Variants in PTPRK observed in about 807,000 individuals in gnomAD.
The protein encoded by PTPRK is receptor-type tyrosine-protein phosphatase kappa.
In PTPRK, 75 loss-of-function variants were observed where a neutral mutation model predicts 178.0. That is an observed-to-expected ratio of 0.42 (90% CI 0.35 to 0.51). PTPRK has a LOEUF of 0.51. PTPRK is among the 20% of genes least tolerant of loss of function. The pLI is 0.02. For synonymous variants in PTPRK, 637 were observed against 620.6 expected (o/e 1.03, Z -0.39); for missense variants, 1,441 against 1,797.8 (o/e 0.80, Z 3.59).
intron 2 of PTPRK, among the ~76,000 whole-genome samples, chr6:128,333,180 A>C (rs1288739247): frequency 6.6e-6 from 1 of 152,210 alleles, no homozygotes; most frequent in South Asian, 2.1e-4. Context: ...AAGAGAAGGT[A>C]GTGTGGCCTG....
At chr6:128,311,743 T>G (rs1423010520) in intron 3 of PTPRK, among the ~76,000 whole-genome samples, 1 of 152,090 alleles carries the variant, frequency 6.6e-6, no homozygotes, top group Admixed American at 6.6e-5. Flanking sequence ...CAAGCGATCC[T>G]CCTGCCTCAG....
intron 6 of PTPRK, among the ~76,000 whole-genome samples, chr6:128,196,308 T>C (rs147057035): frequency 0.029 from 4,367 of 152,158 alleles, 147 homozygotes; most frequent in African/African-American, 0.08. Context: ...ATAATCAAAG[T>C]GCTATCAAAA....
intron 6 of PTPRK, among the ~76,000 whole-genome samples, chr6:128,194,188 C>A (rs955585012): frequency 6.6e-5 from 10 of 151,300 alleles, no homozygotes; most frequent in African/African-American, 2.4e-4. Flanking sequence ...TGGGTTCATG[C>A]CATTCTCCTG....
At chr6:128,188,118 G>T (rs1803093226) in intron 6 of PTPRK, among the ~76,000 whole-genome samples, 2 of 152,098 alleles carry the variant, frequency 1.3e-5, no homozygotes, top group Non-Finnish European at 2.9e-5. Flanking sequence ...AATGAAGCAT[G>T]CAATCCCCAA....
chr6:127,973,014 T>G lies in PTPRK; in HGVS notation c.4269+8A>C. The G allele has an allele frequency of 6.2e-7, 1 of 1,613,794 alleles. No homozygotes were observed. Among genetic ancestry groups the G allele is most frequent in the Non-Finnish European group, 8.5e-7 (1 of 1,179,704 alleles). ...GATGCCTTCCAAATCTAAGATTCTG[T>G]GACTCACCGGGGCTTCCACCATGTT... On this transcript the variant is annotated splice_region_variant and intron_variant, in intron 29 of 29. Coordinates refer to ENST00000368226, the MANE Select transcript of PTPRK (RefSeq NM_002844.4).
At chr6:128,212,882 CTT>C (rs1355379402) in intron 6 of PTPRK, among the ~76,000 whole-genome samples, 3 of 151,956 alleles carry the variant, frequency 2.0e-5, no homozygotes, top group African/African-American at 2.4e-5. Flanking sequence ...AACTGCTGCA[CTT>C]TACTATCCTT....
intron 14 of PTPRK, among the ~76,000 whole-genome samples, chr6:128,007,496 A>G (rs1778573496): frequency 6.6e-6 from 1 of 150,908 alleles, no homozygotes; most frequent in Admixed American, 6.6e-5. Flanking sequence ...CCAGAAAATC[A>G]AGTTGTCATA....
intron 3 of PTPRK, among the ~76,000 whole-genome samples, chr6:128,264,429 T>C (rs1013732475): frequency 6.6e-6 from 1 of 152,178 alleles, no homozygotes; most frequent in Admixed American, 6.6e-5. Context: ...TAAGTCGTCA[T>C]CATTAAGAAT....
intron 2 of PTPRK, among the ~76,000 whole-genome samples, chr6:128,360,110 A>T (rs1448927287): frequency 2.0e-5 from 3 of 152,228 alleles, no homozygotes; most frequent in Non-Finnish European, 4.4e-5. Flanking sequence ...ATTTTATAAC[A>T]GAAAAAAGCA....
Position 127,973,049 on chromosome 6 carries a change from G to A in PTPRK, c.4242C>T (p.Asn1414=). The A allele has an allele frequency of 1.2e-6, 2 of 1,614,030 alleles. No homozygotes were observed. Among genetic ancestry groups the A allele is most frequent in the African/African-American group, 2.7e-5 (2 of 75,028 alleles). The change falls in exon 29 of 30, where the codon AAC becomes AAT. Residue 1414 remains asparagine, a synonymous_variant. Coordinates refer to ENST00000368226, the MANE Select transcript of PTPRK (RefSeq NM_002844.4). The part of the protein sequence containing the change: ...DVFHAVKTLR[N]SKPNMVEAPE... ...GGGCTTCCACCATGTTTGGCTTGCTGTTCCTCAGTGTCTTTACTGCATGGA... is the reference window on the plus strand; with the variant it reads ...GGGCTTCCACCATGTTTGGCTTGCTATTCCTCAGTGTCTTTACTGCATGGA...
At chr6:128,420,113 A>G (rs192381861) in intron 1 of PTPRK, among the ~76,000 whole-genome samples, 25 of 152,348 alleles carry the variant, frequency 1.6e-4, no homozygotes, top group Admixed American at 7.8e-4. Flanking sequence ...GAGTGTATTC[A>G]GCCTACCTTG....
At chr6:127,998,190 T>G (rs573997106) in intron 16 of PTPRK, among the ~76,000 whole-genome samples, 1 of 152,172 alleles carries the variant, frequency 6.6e-6, no homozygotes, top group Admixed American at 6.5e-5. Flanking sequence ...TTCTCAGTGT[T>G]GTTTACTAGA....
At chr6:128,019,465 T>G (rs1021930580) in intron 13 of PTPRK, among the ~76,000 whole-genome samples, 2 of 150,476 alleles carry the variant, frequency 1.3e-5, no homozygotes, top group African/African-American at 4.9e-5. Context: ...TGGGGACAAA[T>G]AAAAGCAGAC....
intron 11 of PTPRK, among the ~76,000 whole-genome samples, chr6:128,075,187 A>T (rs4377806): frequency 0.79 from 120,532 of 151,936 alleles, 48,149 homozygotes; most frequent in East Asian, 1. Flanking sequence ...ACTTTCTTAA[A>T]ATGGCCCATT....
intron 7 of PTPRK, among the ~76,000 whole-genome samples, chr6:128,091,829 T>C (rs1787010300): frequency 6.6e-6 from 1 of 152,206 alleles, no homozygotes; most frequent in Non-Finnish European, 1.5e-5. Context: ...CTTTTCATTT[T>C]GTCTATTTAG....
chr6:128,406,017 A>G (rs975839849), intron 1 of PTPRK, among the ~76,000 whole-genome samples: 2 of 152,072 alleles, frequency 1.3e-5, no homozygotes, highest in South Asian at 4.1e-4. Context: ...AAAAAAAAAG[A>G]ACACTTTTTT....
At chr6:128,239,972 C>T (rs1814091642) in intron 5 of PTPRK, 63 bp downstream of exon 5, 2 of 1,256,032 alleles carry the variant, frequency 1.6e-6, no homozygotes, top group South Asian at 2.5e-5. Context: ...AACAAACAGT[C>T]CTGTTGCAAT....
rs1279962654 is a variant in PTPRK at position 128,464,622 on chromosome 6, TATATATATATATACAC to T, written c.100+55621_100+55636del. 1.9e-3 allele frequency among the ~76,000 whole-genome samples: 123 copies of T among 66,320 alleles called. No individual in the cohort carries two copies. In the Middle Eastern group the frequency reaches 0.02, roughly 11 times the overall value. 43.5% of individuals were successfully genotyped at this position (66,320 alleles called of 152,430 possible). ...TTAAATATATATATATACATATACA[TATATATATATATACAC>T]ATATATATATATATATATATATATA... is the stretch of plus-strand genomic sequence containing the variant. On this transcript the variant is annotated intron_variant, in intron 1 of 29. Transcript: ENST00000368226.
intron 8 of PTPRK, among the ~76,000 whole-genome samples, chr6:128,086,641 T>C (rs1253546903): frequency 6.6e-6 from 1 of 152,246 alleles, no homozygotes; most frequent in South Asian, 2.1e-4. Context: ...AATCCATCGA[T>C]CTTTCCAACA....
Sources: gnomAD v4.1 joint callset for allele counts (sites outside exome capture counted in the v4.1 genomes callset) on GRCh38, gnomAD v4.1.1 for gene constraint, MANE v1.5 for transcripts, NCBI Gene and HGNC (gene_info 2026-07-23, HGNC 2026-07-21) for gene names.